The following BBX variants were observed in gnomAD, a reference collection of about 807,000 sequenced individuals.
BBX encodes the protein HMG box transcription factor BBX.
A neutral mutation model predicts 100.2 loss-of-function variants in BBX; 30 were observed. That is an observed-to-expected ratio of 0.30 (90% CI 0.22 to 0.41). The LOEUF (loss-of-function observed/expected upper bound fraction) is 0.41, where lower values mean the gene tolerates loss of function less well. Among genes scored for constraint, BBX ranks in the 10% least tolerant of loss-of-function variants. BBX has a pLI of 1.00. For synonymous variants in BBX, 376 were observed against 388.1 expected (o/e 0.97, Z 0.37); for missense variants, 1,023 against 1,129.8 (o/e 0.91, Z 1.35).
chr3:107,675,293 G>T (rs2059225720), intron 3 of BBX, among the ~76,000 whole-genome samples: 1 of 152,160 alleles, frequency 6.6e-6, no homozygotes, highest in African/African-American at 2.4e-5. Context: ...CTGAGGGTTA[G>T]TTTGTGAACT....
At chr3:107,644,183 T>C (rs1023575243) in intron 2 of BBX, among the ~76,000 whole-genome samples, 1 of 132,830 alleles carries the variant, frequency 7.5e-6, no homozygotes, top group Non-Finnish European at 1.6e-5. Flanking sequence ...TTAATGAGTT[T>C]ATCTTTGAGC....
intron 12 of BBX, chr3:107,776,447 A>G (rs2067324374): frequency 6.6e-6 from 1 of 152,110 alleles, no homozygotes; most frequent in South Asian, 2.1e-4. Context: ...ATTAACAGTA[A>G]ACTTCAGTGC....
chr3:107,738,142 A>G (rs1278424691), intron 7 of BBX, among the ~76,000 whole-genome samples: 1 of 151,648 alleles, frequency 6.6e-6, no homozygotes, highest in Non-Finnish European at 1.5e-5. Context: ...GTCCTTCATG[A>G]TTTCTTGAGC....
intron 2 of BBX, among the ~76,000 whole-genome samples, chr3:107,570,034 A>G (rs2051229180): frequency 6.6e-6 from 1 of 152,116 alleles, no homozygotes; most frequent in Non-Finnish European, 1.5e-5. Flanking sequence ...CAGATAGAAC[A>G]TGGCTTAGGA....
intron 2 of BBX, among the ~76,000 whole-genome samples, chr3:107,621,408 T>A (rs576243027): frequency 6.6e-6 from 1 of 152,332 alleles, no homozygotes; most frequent in South Asian, 2.1e-4. Flanking sequence ...ATATATAATG[T>A]CCAGTATTTA....
intron 3 of BBX, among the ~76,000 whole-genome samples, chr3:107,687,456 G>T (rs948145852): frequency 6.6e-6 from 1 of 151,984 alleles, no homozygotes; most frequent in Non-Finnish European, 1.5e-5. Context: ...ACAGAGAAGC[G>T]GGGAATGCAG....
At chr3:107,694,117 A>T in intron 3 of BBX, among the ~76,000 whole-genome samples, 3 of 124,930 alleles carry the variant, frequency 2.4e-5, no homozygotes, top group Non-Finnish European at 5.0e-5. Flanking sequence ...GGTTTTCTAG[A>T]TATACAATCA....
At chr3:107,557,052 T>TG (rs2050141478) in intron 2 of BBX, among the ~76,000 whole-genome samples, 1 of 152,216 alleles carries the variant, frequency 6.6e-6, no homozygotes, top group South Asian at 2.1e-4. Context: ...TGACATACAG[T>TG]GAAATGCATA....
At chr3:107,557,570 C>T (rs1307844019) in intron 2 of BBX, among the ~76,000 whole-genome samples, 1 of 152,208 alleles carries the variant, frequency 6.6e-6, no homozygotes, top group Admixed American at 6.5e-5. Context: ...TACATGTGAA[C>T]ATTTGATACT....
chr3:107,597,306 G>A (rs2053729445), intron 2 of BBX, among the ~76,000 whole-genome samples: 1 of 151,764 alleles, frequency 6.6e-6, no homozygotes, highest in Non-Finnish European at 1.5e-5. Context: ...CATATTTCTG[G>A]TAAAAAAGTT....
chr3:107,728,720 A>T, intron 5 of BBX, 45 bp from the exon 6 acceptor site: 2 of 1,538,838 alleles, frequency 1.3e-6, no homozygotes, highest in Admixed American at 1.9e-5. Context: ...AACTTTTTCA[A>T]TCTATTTGTT....
intron 2 of BBX, among the ~76,000 whole-genome samples, chr3:107,633,493 T>C (rs1222740745): frequency 6.6e-6 from 1 of 152,240 alleles, no homozygotes; most frequent in African/African-American, 2.4e-5. Flanking sequence ...TTGGCGCAGA[T>C]CAAAGGGATA....
chr3:107,805,376 G>A lies in BBX; in HGVS notation c.2745G>A (p.Gln915=), dbSNP rs2070987081. 1 of 1,613,100 alleles carries A rather than the reference G, an allele frequency of 6.2e-7. No homozygotes were observed. Among genetic ancestry groups the A allele is most frequent in the African/African-American group, 1.3e-5 (1 of 74,992 alleles). Residue 915 remains glutamine (Q), a synonymous_variant, in exon 18 of 18, where the codon CAG becomes CAA. Transcript: ENST00000325805. Reference sequence around the variant, plus strand: ...TCTTCCTTTTATTTTACAGAGGTCAGAGGTCAACTCCGCTCACCCATGATG... The same window carrying A: ...TCTTCCTTTTATTTTACAGAGGTCAAAGGTCAACTCCGCTCACCCATGATG... ...VAAMENVHRG[Q]RSTPLTHDGQ... is the part of the protein sequence containing the mutation.
intron 10 of BBX, among the ~76,000 whole-genome samples, chr3:107,765,853 T>A (rs2066348272): frequency 6.6e-6 from 1 of 152,214 alleles, no homozygotes; most frequent in South Asian, 2.1e-4. Flanking sequence ...CATTCATAGC[T>A]GTTCCCAGGT....
chr3:107,756,635 C>T (rs1003349163), intron 10 of BBX, among the ~76,000 whole-genome samples: 3 of 151,596 alleles, frequency 2.0e-5, no homozygotes, highest in Admixed American at 2.0e-4. Flanking sequence ...TAAAGATTAC[C>T]AAGTCCAAAT....
chr3:107,779,925 G>C (rs1374633412), intron 13 of BBX, among the ~76,000 whole-genome samples: 1 of 151,972 alleles, frequency 6.6e-6, no homozygotes, highest in East Asian at 1.9e-4. Flanking sequence ...TTTAGAATTA[G>C]CTCAGTTTTC....
chr3:107,700,442 AT>A (rs2060955882), intron 3 of BBX, among the ~76,000 whole-genome samples: 1 of 147,016 alleles, frequency 6.8e-6, no homozygotes, highest in South Asian at 2.2e-4. Context: ...TATTATTATT[AT>A]TATTATTATT....
At chr3:107,638,163 C>T (rs2056963050) in intron 2 of BBX, among the ~76,000 whole-genome samples, 1 of 152,160 alleles carries the variant, frequency 6.6e-6, no homozygotes, top group African/African-American at 2.4e-5. Flanking sequence ...GCAATCCTTC[C>T]ACCTCAGCCT....
intron 13 of BBX, among the ~76,000 whole-genome samples, chr3:107,784,773 CA>C (rs891956085): frequency 1.3e-5 from 2 of 151,116 alleles, no homozygotes; most frequent in African/African-American, 4.9e-5. Context: ...AAACCAAACT[CA>C]AAGGAAGCAG....
Sources: allele counts gnomAD v4.1 joint callset (sites outside exome capture counted in the v4.1 genomes callset), GRCh38; gene constraint gnomAD v4.1.1; transcripts MANE v1.5; gene names NCBI Gene and HGNC (gene_info 2026-07-23, HGNC 2026-07-21).